Variants in FRMD1 observed in about 807,000 individuals in gnomAD.
The protein encoded by FRMD1 is FERM domain containing 1.
In FRMD1, 51 loss-of-function variants were observed where a neutral mutation model predicts 54.9. The observed-to-expected ratio is 0.93, with a 90% CI of 0.74 to 1.17. The LOEUF is 1.17. Ranked by LOEUF, FRMD1 falls within the 50% of genes most tolerant of loss-of-function variation. The pLI is 0.00. For missense variants in FRMD1, 729 were observed against 743.0 expected (o/e 0.98, Z 0.22); for synonymous variants, 324 against 306.4 (o/e 1.06, Z -0.60).
In FRMD1 at chr6:168,066,762, CCCTT is replaced by C; in HGVS notation, c.450_453del (p.Arg151SerfsTer2). The C allele has an allele frequency of 6.2e-7, 1 of 1,613,912 alleles. No homozygotes were observed. Among genetic ancestry groups the C allele is most frequent in the Non-Finnish European group, 8.5e-7 (1 of 1,179,974 alleles). On this transcript the variant is annotated frameshift_variant, in exon 4 of 11. Transcript: ENST00000283309. LOFTEE classifies it high-confidence loss of function. ...CAGTCCGCATGCCGTTACCTTATGA[CCCTT>C]CCGTTTTCCACGTAGTGCTGCACTC...
In FRMD1 at chr6:168,059,075, G is replaced by T. The variant is rs749619950; in HGVS notation, c.1407+49C>A. On this transcript the variant is annotated intron_variant, in intron 10 of 10. Coordinates refer to ENST00000283309, the MANE Select transcript of FRMD1 (RefSeq NM_024919.6). The surrounding 1 kb of genome is among the most constrained non-coding windows in gnomAD (Gnocchi z 4.4). ...CCCCTGACAGGGGACCTAGGAGAAG[G>T]GGGTGGAGGAGCAGGGCCAGGGCTT... 4.2e-6 allele frequency: 6 copies of T among 1,438,918 alleles called. No homozygotes were observed. The East Asian group carries it at 1.2e-4, about 29-fold the overall frequency. The allele number at this position is 1,438,918 out of a possible 1,614,324, so 89.1% of individuals were successfully genotyped here.
At chr6:168,084,963 G>C (rs996979607), upstream of FRMD1, among the ~76,000 whole-genome samples, 1 of 152,062 alleles carries the variant, frequency 6.6e-6, no homozygotes, top group Non-Finnish European at 1.5e-5. Flanking sequence ...CTGGGGGAGG[G>C]CGGGACCCAC....
In FRMD1 at chr6:168,061,061, TG is replaced by T. The variant is rs771819754; in HGVS notation, c.1046-5del. On this transcript the variant is annotated splice_region_variant and splice_polypyrimidine_tract_variant and intron_variant, in intron 8 of 10. Transcript: ENST00000283309. The stretch of plus-strand genomic sequence containing the variant: ...GACTCCCGGTAGTGCTGCTTCTCTG[TG>T]GGGAGTGGGGAGCACAGTGAGGGCG... The T allele has an allele frequency of 6.2e-7, 1 of 1,603,304 alleles. No individual in the cohort carries two copies. Among genetic ancestry groups the T allele is most frequent in the Non-Finnish European group, 8.5e-7 (1 of 1,173,098 alleles).
intron 2 of FRMD1, among the ~76,000 whole-genome samples, chr6:168,071,968 T>C (rs549633017): frequency 6.6e-6 from 1 of 152,302 alleles, no homozygotes; most frequent in African/African-American, 2.4e-5. Flanking sequence ...ACACGGCAAA[T>C]GCCCGTGAGC....
rs769197638 is a variant in FRMD1, at chr6:168,063,619, G to T, written c.786C>A (p.His262Gln). The T allele has an allele frequency of 2.5e-6, 4 of 1,612,494 alleles. No individual in the cohort carries two copies. In the African/African-American group the frequency reaches 5.3e-5, roughly 22 times the overall value. Reference sequence around the variant, plus strand: ...GCTCGACCTTGTGCAGCCTGAAGAAGTGCACGGGCACGTCCTCCAGCCGGC... The same window carrying T: ...GCTCGACCTTGTGCAGCCTGAAGAATTGCACGGGCACGTCCTCCAGCCGGC... ...EACRLEDVPV[H>Q]FFRLHKDKKE... Residue 262 changes from histidine (H) to glutamine (Q), a missense_variant, in exon 6 of 11, where the codon CAC (histidine) becomes CAA (glutamine). Physicochemically the swap from His to Gln is conservative, Grantham distance 24. Coordinates refer to ENST00000283309, the MANE Select transcript of FRMD1 (RefSeq NM_024919.6).
Position 168,055,443 on chromosome 6 carries a change from G to A in FRMD1, c.*1654C>T, listed in dbSNP as rs1355762660. On this transcript the variant is annotated 3_prime_UTR_variant, in exon 11 of 11. Coordinates refer to ENST00000283309, the MANE Select transcript of FRMD1 (RefSeq NM_024919.6). ...GGTCTTGGCTCAGACCCTGCTTCAT[G>A]GTGGACACCACCTGCTGTGTCTCCC... 6.6e-6 allele frequency: 1 copy of A among 152,324 alleles called. No individual in the cohort carries two copies. The highest frequency in any genetic ancestry group is 1.5e-5 in the Non-Finnish European group (1 of 68,120). 9.4% of individuals were successfully genotyped at this position (152,324 alleles called of 1,614,324 possible).
rs1365656102 is a variant in FRMD1 at position 168,079,007 on chromosome 6, G to A, written c.88C>T (p.Pro30Ser). The A allele has an allele frequency of 6.2e-7, 1 of 1,612,320 alleles. No homozygotes were observed. The highest frequency in any genetic ancestry group is 1.7e-5 in the Admixed American group (1 of 60,004). The change falls in exon 1 of 11, where the codon CCC (proline) becomes TCC (serine). Residue 30 changes from proline to serine, a missense_variant. Pro to Ser is a moderately conservative substitution (Grantham distance 74). Transcript: ENST00000283309. Reference protein sequence around the residue: ...FPPSGARCMEPSPERPACSQQ... With the variant: ...FPPSGARCMESSPERPACSQQ... ...CTGCATGCAGGCCTCTCAGGACTGGGTTCCATACATCGCGCCCCTGAAGGA... is the reference window on the plus strand; with the variant it reads ...CTGCATGCAGGCCTCTCAGGACTGGATTCCATACATCGCGCCCCTGAAGGA...
chr6:168,057,252 CTGGG>C lies in FRMD1; in HGVS notation c.1491_1494del (p.His497GlnfsTer154). The C allele has an allele frequency of 6.2e-7, 1 of 1,611,084 alleles. No individual in the cohort carries two copies. Among genetic ancestry groups the C allele is most frequent in the South Asian group, 1.1e-5 (1 of 90,590 alleles). On this transcript the variant is annotated frameshift_variant, in exon 11 of 11. Coordinates refer to ENST00000283309, the MANE Select transcript of FRMD1 (RefSeq NM_024919.6). LOFTEE classifies it low-confidence loss of function (END_TRUNC). ...AAGGTATGGCTGAGTGAGGTGGGCGCTGGGTGCAGGGCCAGCTGGTGCAGCTGCA... is the reference window on the plus strand; with the variant it reads ...AAGGTATGGCTGAGTGAGGTGGGCGCTGCAGGGCCAGCTGGTGCAGCTGCA...
intron 2 of FRMD1, 108 bp downstream of exon 2, chr6:168,075,137 G>T: frequency 1.2e-6 from 1 of 850,458 alleles, no homozygotes; most frequent in East Asian, 2.5e-5. Flanking sequence ...ATATGAGAGT[G>T]GTGTATAACT....
chr6:168,070,121 G>T (rs1800224843), intron 2 of FRMD1, among the ~76,000 whole-genome samples: 1 of 151,974 alleles, frequency 6.6e-6, no homozygotes, highest in African/African-American at 2.4e-5. Context: ...CCACTCAGGA[G>T]GCTGACGCCA....
At position 168,057,253 on chromosome 6, in the gene FRMD1, TG is replaced by T. The variant is rs1276857506; in HGVS notation, c.1493del (p.Pro498GlnfsTer154). 10 of 1,611,026 alleles carry T rather than the reference TG, an allele frequency of 6.2e-6. No individual in the cohort carries two copies. Among genetic ancestry groups the T allele is most frequent in the Admixed American group, 1.7e-5 (1 of 59,758 alleles). On this transcript the variant is annotated frameshift_variant, in exon 11 of 11. Coordinates refer to ENST00000283309, the MANE Select transcript of FRMD1 (RefSeq NM_024919.6). LOFTEE classifies it low-confidence loss of function (END_TRUNC). ...AGGTATGGCTGAGTGAGGTGGGCGCTGGGTGCAGGGCCAGCTGGTGCAGCTG... is the reference window on the plus strand; with the variant it reads ...AGGTATGGCTGAGTGAGGTGGGCGCTGGTGCAGGGCCAGCTGGTGCAGCTG... ...DMQLHQLALH[P>X]APTSLSHTFH...
chr6:168,075,448 C>T, intron 1 of FRMD1, 113 bp from the exon 2 acceptor site: 1 of 810,486 alleles, frequency 1.2e-6, no homozygotes, highest in Non-Finnish European at 2.1e-6. Context: ...GTCAGGCATC[C>T]CCTGCAGGTA....
At chr6:168,069,038 G>A (rs1387921) in intron 2 of FRMD1, among the ~76,000 whole-genome samples, 14,686 of 152,228 alleles carry the variant, frequency 0.096, 764 homozygotes, top group Admixed American at 0.11. Flanking sequence ...TTGGCTCATC[G>A]GTAACAACCA....
chr6:168,061,837 G>C lies in FRMD1; in HGVS notation c.1015C>G (p.Gln339Glu). 6.4e-7 allele frequency: 1 copy of C among 1,570,438 alleles called. No individual in the cohort carries two copies. The highest frequency in any genetic ancestry group is 8.6e-7 in the Non-Finnish European group (1 of 1,159,210). ...QLHLRVRPTL[Q>E]QLRQREEAEE... ...GCCTCCTCCCGCTGCCGCAGCTGTTGCAGAGTGGGCCGCACGCGGAGGTGG... is the reference window on the plus strand; with the variant it reads ...GCCTCCTCCCGCTGCCGCAGCTGTTCCAGAGTGGGCCGCACGCGGAGGTGG... The change falls in exon 8 of 11, where the codon CAA (glutamine) becomes GAA (glutamate). Residue 339 changes from glutamine (Q) to glutamate (E), a missense_variant. By Grantham distance (29) the Gln-to-Glu change is conservative. Coordinates refer to ENST00000283309, the MANE Select transcript of FRMD1 (RefSeq NM_024919.6).
chr6:168,057,965 G>A (rs962816128), intron 10 of FRMD1, among the ~76,000 whole-genome samples: 1 of 152,218 alleles, frequency 6.6e-6, no homozygotes, highest in Non-Finnish European at 1.5e-5. Context: ...TTCTACGCGT[G>A]TTTCCTTGTT....
At chr6:168,088,927 C>A (rs577699915) in intron 1 of FRMD1, among the ~76,000 whole-genome samples, 75 of 83,988 alleles carry the variant, frequency 8.9e-4, no homozygotes, top group African/African-American at 2.4e-3. Context: ...AACCTCCCCA[C>A]TCCTTGGGCC....
intron 7 of FRMD1, 197 bp downstream of exon 7, chr6:168,062,697 G>T (rs754262360): frequency 4.5e-6 from 7 of 1,551,146 alleles, no homozygotes; most frequent in Non-Finnish European, 6.1e-6. Flanking sequence ...CCAACGTGGG[G>T]CCAGGGGAGG....
intron 3 of FRMD1, chr6:168,067,115 C>T (rs1800074054): frequency 1.4e-6 from 1 of 704,656 alleles, no homozygotes; most frequent in Non-Finnish European, 2.6e-6. Context: ...CGGACAGCCC[C>T]TCTGGACGGA....
chr6:168,076,266 C>A (rs1443454219), intron 1 of FRMD1, among the ~76,000 whole-genome samples: 1 of 152,262 alleles, frequency 6.6e-6, no homozygotes, highest in Non-Finnish European at 1.5e-5. Flanking sequence ...GCAGCTGGAT[C>A]TGCAGGAGGC....
Sources: allele counts gnomAD v4.1 joint callset (sites outside exome capture counted in the v4.1 genomes callset), GRCh38; gene constraint gnomAD v4.1.1; non-coding constraint Gnocchi (gnomAD v3.1); transcripts MANE v1.5; gene names NCBI Gene and HGNC (gene_info 2026-07-23, HGNC 2026-07-21).